NRSN1: variants seen among roughly 807,000 people sequenced by gnomAD.
The protein encoded by NRSN1 is neurensin 1.
A neutral mutation model predicts 17.3 loss-of-function variants in NRSN1; 14 were observed. The observed-to-expected ratio is 0.81, with a 90% CI of 0.54 to 1.27. NRSN1 has a LOEUF of 1.27. NRSN1 is among the 50% of genes most tolerant of loss of function. The pLI, the probability that NRSN1 is intolerant of heterozygous loss-of-function variation, is 0.00. For missense variants in NRSN1, 209 were observed against 235.9 expected (o/e 0.89, Z 0.75); for synonymous variants, 79 against 94.2 (o/e 0.84, Z 0.93).
intron 3 of NRSN1, among the ~76,000 whole-genome samples, chr6:24,142,509 A>G (rs771940009): frequency 1.3e-5 from 2 of 151,768 alleles, no homozygotes; most frequent in Non-Finnish European, 2.9e-5. Flanking sequence ...CCCAGGCTGG[A>G]GTACAACAAT....
At chr6:24,144,185 G>A (rs2113718396) in intron 3 of NRSN1, among the ~76,000 whole-genome samples, 1 of 152,308 alleles carries the variant, frequency 6.6e-6, no homozygotes, top group South Asian at 2.1e-4. Context: ...TCAGCTCTGT[G>A]GGTTCTAACC....
chr6:24,146,282 A>G lies in NRSN1; in HGVS notation c.*336A>G. The G allele has an allele frequency of 1.8e-6, 1 of 558,940 alleles. No individual in the cohort carries two copies. Among genetic ancestry groups the G allele is most frequent in the Non-Finnish European group, 3.5e-6 (1 of 284,840 alleles). 34.6% of individuals were successfully genotyped at this position (558,940 alleles called of 1,614,324 possible). On this transcript the variant is annotated 3_prime_UTR_variant, in exon 4 of 4. Transcript: ENST00000378491. ...GCCGAACAGTTTAGACCAGCTCACC[A>G]ATGGCTAATGTGGTCCATTTTATTT...
intron 3 of NRSN1, among the ~76,000 whole-genome samples, chr6:24,137,884 C>T (rs1397969259): frequency 2.6e-5 from 4 of 151,956 alleles, no homozygotes; most frequent in Admixed American, 1.3e-4. Flanking sequence ...AAAGCAGGAA[C>T]GGGGCATCCC....
At chr6:24,143,181 G>A (rs576632029) in intron 3 of NRSN1, among the ~76,000 whole-genome samples, 20 of 152,152 alleles carry the variant, frequency 1.3e-4, no homozygotes, top group East Asian at 3.9e-4. Flanking sequence ...GTCCCCACCC[G>A]ACCCAGAAGC....
At chr6:24,128,895 T>A (rs1759990409) in intron 2 of NRSN1, 1 of 152,234 alleles carries the variant, frequency 6.6e-6, no homozygotes, top group South Asian at 2.1e-4. Flanking sequence ...AAAACACTCA[T>A]ATTTGTTGCC....
intron 3 of NRSN1, among the ~76,000 whole-genome samples, chr6:24,141,852 G>A (rs1478776144): frequency 1.3e-5 from 2 of 152,136 alleles, no homozygotes; most frequent in African/African-American, 4.8e-5. Flanking sequence ...AGAGCTGTGG[G>A]GAGGCAAGAC....
At chr6:24,143,672 T>C (rs1581553541) in intron 3 of NRSN1, among the ~76,000 whole-genome samples, 2 of 152,350 alleles carry the variant, frequency 1.3e-5, no homozygotes, top group East Asian at 3.9e-4. Flanking sequence ...CTATTCCTTA[T>C]TCCAAGTGCT....
chr6:24,139,402 C>T (rs1219307810), intron 3 of NRSN1, among the ~76,000 whole-genome samples: 1 of 152,192 alleles, frequency 6.6e-6, no homozygotes, highest in Non-Finnish European at 1.5e-5. Context: ...AGAGTGGCTG[C>T]AGTGGACGAG....
At chr6:24,137,380 A>G (rs961773383) in intron 3 of NRSN1, among the ~76,000 whole-genome samples, 5 of 152,182 alleles carry the variant, frequency 3.3e-5, no homozygotes, top group Admixed American at 6.5e-5. Flanking sequence ...TCTGATGTAA[A>G]TAAGATCTTC....
rs957826257 is a variant in NRSN1 at position 24,142,213 on chromosome 6, T to TTTTTTTC, written c.190-3334_190-3333insTTTTTCT. Reference sequence around the variant, plus strand: ...CAGCTTTTTTTTTTTTTTTTTTTTTTTCAGAAGACATCCTATTGACTCTTT... The same window carrying TTTTTTTC: ...CAGCTTTTTTTTTTTTTTTTTTTTTTTTTTTTCTCAGAAGACATCCTATTGACTCTTT... On this transcript the variant is annotated intron_variant, in intron 3 of 3. Transcript: ENST00000378491. Among the ~76,000 whole-genome samples, 68 of 132,624 alleles carry TTTTTTTC rather than the reference T, an allele frequency of 5.1e-4. 2 individuals carry two copies. The highest frequency in any genetic ancestry group is 4.1e-3 in the Middle Eastern group (1 of 244). 87.0% of individuals were successfully genotyped at this position (132,624 alleles called of 152,430 possible).
intron 2 of NRSN1, chr6:24,129,811 A>G (rs1020925673): frequency 4.6e-5 from 7 of 152,122 alleles, no homozygotes; most frequent in African/African-American, 1.4e-4. Context: ...ATGGATCCTC[A>G]TTTATCAGCA....
At chr6:24,126,563 A>C (rs551679141) in intron 1 of NRSN1, among the ~76,000 whole-genome samples, 36 of 152,258 alleles carry the variant, frequency 2.4e-4, no homozygotes, top group Non-Finnish European at 4.1e-4. Context: ...AATTAGGAAG[A>C]GCTAGCTCCA....
At chr6:24,134,004 TTGTGTGTGTGTGTGTG>T (rs71002461) in intron 2 of NRSN1, among the ~76,000 whole-genome samples, 1 of 132,858 alleles carries the variant, frequency 7.5e-6, no homozygotes, top group African/African-American at 2.9e-5. Flanking sequence ...ACCCAGCTAA[TTGTGTGTGTGTGTGTG>T]TGTGTGTGTG....
In NRSN1 at chr6:24,146,533, T is replaced by G. The variant is rs28990373; in HGVS notation, c.*587T>G. 0.12 allele frequency: 42,016 copies of G among 340,788 alleles called. 3,088 individuals carry two copies. Among genetic ancestry groups the G allele is most frequent in the East Asian group, 0.22 (2,697 of 12,408 alleles). The allele number at this position is 340,788 out of a possible 1,614,324, so 21.1% of individuals were successfully genotyped here. ...TTCTCCATTTTTTTTCCCTTTGAGATGAAGTGCTGTTCTTTTGCCTAGGTT... is the reference window on the plus strand; with the variant it reads ...TTCTCCATTTTTTTTCCCTTTGAGAGGAAGTGCTGTTCTTTTGCCTAGGTT... On this transcript the variant is annotated 3_prime_UTR_variant, in exon 4 of 4. Coordinates refer to ENST00000378491, the MANE Select transcript of NRSN1 (RefSeq NM_080723.5).
chr6:24,142,213 T>TTTTTTC lies in NRSN1; in HGVS notation c.190-3334_190-3333insTTTTCT, dbSNP rs957826257. Among the ~76,000 whole-genome samples, 256 of 132,612 alleles carry TTTTTTC rather than the reference T, an allele frequency of 1.9e-3. 3 individuals carry two copies. Among genetic ancestry groups the TTTTTTC allele is most frequent in the African/African-American group, 5.9e-3 (223 of 37,978 alleles). 87.0% of individuals were successfully genotyped at this position (132,612 alleles called of 152,430 possible). On this transcript the variant is annotated intron_variant, in intron 3 of 3. Coordinates refer to ENST00000378491, the MANE Select transcript of NRSN1 (RefSeq NM_080723.5). Reference sequence around the variant, plus strand: ...CAGCTTTTTTTTTTTTTTTTTTTTTTTCAGAAGACATCCTATTGACTCTTT... The same window carrying TTTTTTC: ...CAGCTTTTTTTTTTTTTTTTTTTTTTTTTTTCTCAGAAGACATCCTATTGACTCTTT...
intron 2 of NRSN1, among the ~76,000 whole-genome samples, chr6:24,130,224 TA>T (rs1337081502): frequency 6.6e-6 from 1 of 152,208 alleles, no homozygotes; most frequent in Non-Finnish European, 1.5e-5. Context: ...GATCTTTAAG[TA>T]AATAATAAGC....
intron 2 of NRSN1, among the ~76,000 whole-genome samples, chr6:24,132,589 A>G (rs1760052570): frequency 6.6e-6 from 1 of 152,252 alleles, no homozygotes; most frequent in Non-Finnish European, 1.5e-5. Context: ...AAACACAAAA[A>G]TAACCACCTT....
intron 2 of NRSN1, chr6:24,129,385 C>A (rs995364234): frequency 3.3e-5 from 5 of 152,198 alleles, no homozygotes; most frequent in African/African-American, 1.2e-4. Context: ...TTCATCCACA[C>A]CAACCCACGT....
chr6:24,135,906 G>A (rs1760112343), intron 3 of NRSN1, among the ~76,000 whole-genome samples: 1 of 152,158 alleles, frequency 6.6e-6, no homozygotes, highest in African/African-American at 2.4e-5. Context: ...AATGCCTAAG[G>A]TCTTCCTTAA....
Sources: allele counts gnomAD v4.1 joint callset (sites outside exome capture counted in the v4.1 genomes callset), GRCh38; gene constraint gnomAD v4.1.1; transcripts MANE v1.5; gene names NCBI Gene and HGNC (gene_info 2026-07-23, HGNC 2026-07-21).